Variants in TXNRD2 observed in about 807,000 individuals in gnomAD.
The protein encoded by TXNRD2 is thioredoxin reductase 2, mitochondrial.
Under a neutral mutation model 70.8 loss-of-function variants are expected in TXNRD2, and 67 were observed. That is an observed-to-expected ratio of 0.95 (90% confidence interval 0.78 to 1.16). The LOEUF (loss-of-function observed/expected upper bound fraction) is 1.16, where lower values mean the gene tolerates loss of function less well. Ranked by LOEUF, TXNRD2 falls within the 50% of genes most tolerant of loss-of-function variation. The pLI is 0.00. For missense variants in TXNRD2, 644 were observed against 719.9 expected, an observed-to-expected ratio of 0.89 and a Z score of 1.21; for synonymous variants, 301 against 295.8, an observed-to-expected ratio of 1.02 and a Z score of -0.18.
At chr22:19,898,539 GA>G (rs2145978152) in intron 9 of TXNRD2, among the ~76,000 whole-genome samples, 1 of 131,932 alleles carries the variant, frequency 7.6e-6, no homozygotes, top group South Asian at 2.5e-4. Context: ...TTTTGAGATG[GA>G]GTCTCATTCT....
At chr22:19,909,871 C>CCT (rs1569093857) in intron 8 of TXNRD2, among the ~76,000 whole-genome samples, 6 of 55,652 alleles carry the variant, frequency 1.1e-4, no homozygotes, top group African/African-American at 3.0e-4. Flanking sequence ...ACACACACAC[C>CCT]ACTCACACAC....
chr22:19,934,963 ATTGTG>A (rs1439044839), intron 1 of TXNRD2, among the ~76,000 whole-genome samples: 2 of 152,204 alleles, frequency 1.3e-5, no homozygotes, highest in South Asian at 2.1e-4. Flanking sequence ...CACTGTGATA[ATTGTG>A]TTAACTGTAG....
intron 15 of TXNRD2, 61 bp downstream of exon 15, chr22:19,878,305 T>G (rs1397944823): frequency 1.9e-6 from 3 of 1,604,026 alleles, no homozygotes; most frequent in Non-Finnish European, 1.7e-6. Context: ...GTGTTCACCC[T>G]GCCAGGCTCT....
intron 8 of TXNRD2, 77 bp downstream of exon 8, chr22:19,911,300 C>T (rs904048538): frequency 6.6e-6 from 8 of 1,203,264 alleles, no homozygotes; most frequent in Non-Finnish European, 9.9e-6. Context: ...GAGCCCAGCA[C>T]CAGCACAGGC....
intron 8 of TXNRD2, among the ~76,000 whole-genome samples, chr22:19,903,531 C>T (rs1460809083): frequency 6.6e-6 from 1 of 152,230 alleles, no homozygotes; most frequent in Non-Finnish European, 1.5e-5. Flanking sequence ...GGCACACTGG[C>T]GGGGCCCAAG....
intron 11 of TXNRD2, chr22:19,895,202 T>C: frequency 6.3e-7 from 1 of 1,598,268 alleles, no homozygotes; most frequent in South Asian, 1.1e-5. Flanking sequence ...TGCAAGGTGC[T>C]GGGGATGGCA....
chr22:19,934,841 C>A (rs904471467), intron 1 of TXNRD2, among the ~76,000 whole-genome samples: 5 of 152,144 alleles, frequency 3.3e-5, no homozygotes, highest in African/African-American at 9.7e-5. Flanking sequence ...GGATTACAGG[C>A]ATGAGCCACC....
At chr22:19,931,987 CGTCT>C (rs1941379349) in intron 1 of TXNRD2, among the ~76,000 whole-genome samples, 1 of 151,680 alleles carries the variant, frequency 6.6e-6, no homozygotes, top group East Asian at 2.0e-4. Context: ...AGTGAAACCC[CGTCT>C]CTACTAAAAA....
rs1348276165 is a variant in TXNRD2 at position 19,919,602 on chromosome 22, G to A, written c.173-3C>T. On this transcript the variant is annotated splice_region_variant and splice_polypyrimidine_tract_variant and intron_variant, in intron 2 of 17. Transcript: ENST00000400521. ...CACCTTCCTTCCCAGCTGGGCGGCTGGAAGGATAAGGAGAGCAGCAGGTGA... is the reference window on the plus strand; with the variant it reads ...CACCTTCCTTCCCAGCTGGGCGGCTAGAAGGATAAGGAGAGCAGCAGGTGA... 1.3e-6 allele frequency: 2 copies of A among 1,558,090 alleles called. No homozygotes were observed. Among genetic ancestry groups the A allele is most frequent in the Non-Finnish European group, 1.7e-6 (2 of 1,151,474 alleles).
chr22:19,920,651 G>A (rs1940867247), intron 2 of TXNRD2, among the ~76,000 whole-genome samples: 1 of 152,042 alleles, frequency 6.6e-6, no homozygotes, highest in African/African-American at 2.4e-5. Flanking sequence ...ATTTGCCCGG[G>A]CTTGGGCACT....
rs146008691 is a variant in TXNRD2, at chr22:19,890,710, C to A, written c.949+4697G>T. Among the ~76,000 whole-genome samples the A allele has an allele frequency of 4.1e-3, 627 of 152,346 alleles. 3 individuals carry two copies. Among genetic ancestry groups the A allele is most frequent in the African/African-American group, 0.015 (604 of 41,574 alleles). ...GCTCCCACCCATCCCCAGCTTGGTT[C>A]TTGCTTTCTGCCCTTTCCTGCTGCC... On this transcript the variant is annotated intron_variant, in intron 11 of 17. Transcript: ENST00000400521.
intron 1 of TXNRD2, among the ~76,000 whole-genome samples, chr22:19,934,175 T>C (rs559073816): frequency 6.6e-6 from 1 of 152,284 alleles, no homozygotes; most frequent in Admixed American, 6.5e-5. Flanking sequence ...TTCTGGCTCC[T>C]GTTCAGGGGC....
At chr22:19,885,529 G>T (rs569482443) in intron 11 of TXNRD2, among the ~76,000 whole-genome samples, 5 of 152,246 alleles carry the variant, frequency 3.3e-5, no homozygotes, top group African/African-American at 7.2e-5. Flanking sequence ...ACCGGTCGGG[G>T]ATCAGCCCAG....
At chr22:19,934,187 G>C (rs919600944) in intron 1 of TXNRD2, among the ~76,000 whole-genome samples, 10 of 152,148 alleles carry the variant, frequency 6.6e-5, no homozygotes, top group Non-Finnish European at 1.5e-4. Context: ...TTCAGGGGCT[G>C]CATCGCCCAC....
chr22:19,930,574 C>T (rs978772666), intron 2 of TXNRD2, among the ~76,000 whole-genome samples: 1 of 152,100 alleles, frequency 6.6e-6, no homozygotes, highest in African/African-American at 2.4e-5. Context: ...GGGGAAGGCA[C>T]CAGCACTAAG....
chr22:19,890,201 C>T (rs979333366), intron 11 of TXNRD2, among the ~76,000 whole-genome samples: 14 of 152,176 alleles, frequency 9.2e-5, no homozygotes, highest in South Asian at 4.1e-4. Flanking sequence ...AGCGCACGCC[C>T]GGGGCCACGT....
intron 2 of TXNRD2, among the ~76,000 whole-genome samples, chr22:19,929,565 G>A (rs1941281199): frequency 6.6e-6 from 1 of 152,116 alleles, no homozygotes; most frequent in South Asian, 2.1e-4. Flanking sequence ...GTAGAGATTA[G>A]GACATAGACA....
At chr22:19,928,609 G>A (rs1445623239) in intron 2 of TXNRD2, among the ~76,000 whole-genome samples, 5 of 152,264 alleles carry the variant, frequency 3.3e-5, no homozygotes, top group Admixed American at 3.3e-4. Context: ...AGAAAATGTT[G>A]GGGTGTTATG....
chr22:19,877,299 C>A, intron 16 of TXNRD2, 65 bp from the exon 17 acceptor site: 2 of 1,465,784 alleles, frequency 1.4e-6, no homozygotes, highest in Non-Finnish European at 1.9e-6. Flanking sequence ...CAGCATCCCA[C>A]CCCCGGGAAG....
Sources: gnomAD v4.1 joint callset for allele counts (sites outside exome capture counted in the v4.1 genomes callset) on GRCh38, gnomAD v4.1.1 for gene constraint, MANE v1.5 for transcripts, NCBI Gene and HGNC (gene_info 2026-07-23, HGNC 2026-07-21) for gene names.